EPB41L4B: variants seen among roughly 807,000 people sequenced by gnomAD.
The protein encoded by EPB41L4B is erythrocyte membrane protein band 4.1 like 4B, also known as band 4.1-like protein 4B.
EPB41L4B carries 30 observed loss-of-function variants against 112.5 expected under a neutral mutation model. The ratio of observed to expected loss-of-function variants is 0.27; its 90% CI spans 0.20 to 0.36. The LOEUF is 0.36. EPB41L4B is among the 10% of genes least tolerant of loss of function. The probability of loss-of-function intolerance (pLI) is 1.00; values close to 1 mark genes in which losing one functional copy is unlikely to be tolerated. For synonymous variants in EPB41L4B, 408 were observed against 439.7 expected (o/e 0.93, Z 0.90); for missense variants, 1,024 against 1,133.3 (o/e 0.90, Z 1.38).
chr9:109,276,930 G>A (rs1405279804), intron 2 of EPB41L4B, among the ~76,000 whole-genome samples: 1 of 152,198 alleles, frequency 6.6e-6, no homozygotes, highest in Non-Finnish European at 1.5e-5. Flanking sequence ...GACTCAGAAT[G>A]ACTGAACATT....
At chr9:109,294,996 G>C (rs1836682918) in intron 1 of EPB41L4B, among the ~76,000 whole-genome samples, 1 of 152,160 alleles carries the variant, frequency 6.6e-6, no homozygotes, top group Non-Finnish European at 1.5e-5. Context: ...CGGTGACGAG[G>C]AAAGTGTTGC....
At chr9:109,284,973 G>A (rs1836215086) in intron 1 of EPB41L4B, among the ~76,000 whole-genome samples, 1 of 152,216 alleles carries the variant, frequency 6.6e-6, no homozygotes, top group Non-Finnish European at 1.5e-5. Flanking sequence ...TGGGCCAGGA[G>A]GAAGCAAGAA....
chr9:109,259,516 G>GC (rs1835120858), intron 6 of EPB41L4B, among the ~76,000 whole-genome samples: 1 of 152,158 alleles, frequency 6.6e-6, no homozygotes, highest in South Asian at 2.1e-4. Flanking sequence ...CTGCAGCCAG[G>GC]CCTCAGCTCT....
At chr9:109,316,253 G>A (rs895945233) in intron 1 of EPB41L4B, among the ~76,000 whole-genome samples, 1 of 152,242 alleles carries the variant, frequency 6.6e-6, no homozygotes, top group African/African-American at 2.4e-5. Context: ...GGAGGCAAGT[G>A]CACCAAATGC....
At chr9:109,186,057 T>TCAA (rs1832253012) in intron 22 of EPB41L4B, among the ~76,000 whole-genome samples, 1 of 152,054 alleles carries the variant, frequency 6.6e-6, no homozygotes, top group Non-Finnish European at 1.5e-5. Context: ...GCCACACACT[T>TCAA]GAAGCATTTG....
At chr9:109,205,807 C>T (rs576734376) in intron 18 of EPB41L4B, among the ~76,000 whole-genome samples, 4 of 152,282 alleles carry the variant, frequency 2.6e-5, no homozygotes, top group African/African-American at 7.2e-5. Context: ...GTTGTTATCT[C>T]CATTTTCATA....
chr9:109,192,409 A>G (rs1160314533), intron 21 of EPB41L4B, 54 bp from the exon 22 acceptor site: 2 of 1,403,716 alleles, frequency 1.4e-6, no homozygotes, highest in Admixed American at 4.3e-5. Context: ...TTGATGATAA[A>G]GTTCACCAGA....
At chr9:109,212,769 G>A (rs1833228129) in intron 17 of EPB41L4B, among the ~76,000 whole-genome samples, 1 of 152,202 alleles carries the variant, frequency 6.6e-6, no homozygotes, top group Admixed American at 6.5e-5. Context: ...TTCTCAACTA[G>A]GGAGATTTTG....
chr9:109,186,664 A>G (rs775126026), intron 22 of EPB41L4B, among the ~76,000 whole-genome samples: 5 of 151,504 alleles, frequency 3.3e-5, no homozygotes, highest in Admixed American at 6.6e-5. Flanking sequence ...TCTTTTTTAT[A>G]GAGGCGAGGT....
intron 1 of EPB41L4B, among the ~76,000 whole-genome samples, chr9:109,284,027 G>C (rs374646524): frequency 2.0e-5 from 3 of 151,982 alleles, no homozygotes; most frequent in African/African-American, 7.2e-5. Flanking sequence ...GAAGTTCAAG[G>C]TTGCAATAAG....
chr9:109,243,733 G>T, intron 14 of EPB41L4B, 51 bp from the exon 15 acceptor site: 1 of 1,573,988 alleles, frequency 6.4e-7, no homozygotes, highest in Non-Finnish European at 8.7e-7. Flanking sequence ...TAATTTCAAT[G>T]GTCCTCATTC....
At chr9:109,295,858 CA>C (rs1339511800) in intron 1 of EPB41L4B, among the ~76,000 whole-genome samples, 1 of 149,826 alleles carries the variant, frequency 6.7e-6, no homozygotes, top group Non-Finnish European at 1.5e-5. Context: ...TTTTTTGTGG[CA>C]AATCAGGAAA....
intron 15 of EPB41L4B, among the ~76,000 whole-genome samples, chr9:109,226,672 TATATATATGAAGAATATATATATGA>T (rs1833778045): frequency 2.3e-5 from 1 of 44,344 alleles, no homozygotes; most frequent in African/African-American, 6.8e-5. Flanking sequence ...ATGAAGAATA[TATATATATGAAGAATATATATATGA>T]ATATATATAT....
intron 14 of EPB41L4B, among the ~76,000 whole-genome samples, chr9:109,245,520 T>G (rs990016014): frequency 1.3e-5 from 2 of 152,330 alleles, no homozygotes; most frequent in Middle Eastern, 3.4e-3. Flanking sequence ...TGTGCATGTT[T>G]GCTTGTCATA....
At chr9:109,317,674 T>C (rs563725442) in intron 1 of EPB41L4B, among the ~76,000 whole-genome samples, 15 of 152,316 alleles carry the variant, frequency 9.8e-5, no homozygotes, top group African/African-American at 3.4e-4. Context: ...AGGGTTTTTA[T>C]TACAAAGGAG....
rs1159025195 is a variant in EPB41L4B at position 109,320,953 on chromosome 9, G to A, written c.-507C>T. On this transcript the variant is annotated 5_prime_UTR_variant, in exon 1 of 26. Transcript: ENST00000374566. ...GGCCCCGCCGAGCGCCCGCTCCCAA[G>A]GCGCCTTTTCCTGCGCCCGCAGCCC... The A allele has an allele frequency of 6.1e-6, 1 of 163,634 alleles. No homozygotes were observed. The highest frequency in any genetic ancestry group is 2.4e-5 in the African/African-American group (1 of 41,228). The allele number at this position is 163,634 out of a possible 1,614,324, so 10.1% of individuals were successfully genotyped here.
chr9:109,281,403 G>A (rs1233241923), intron 1 of EPB41L4B, among the ~76,000 whole-genome samples: 1 of 152,126 alleles, frequency 6.6e-6, no homozygotes, highest in African/African-American at 2.4e-5. Context: ...CACTCACTAG[G>A]ATGGCTGTAA....
intron 1 of EPB41L4B, among the ~76,000 whole-genome samples, chr9:109,306,639 AAAAC>A (rs1837209898): frequency 1.4e-5 from 2 of 138,076 alleles, no homozygotes; most frequent in African/African-American, 5.4e-5. Context: ...AACAAACAAA[AAAAC>A]ATTCTGGTGA....
At chr9:109,317,029 TAGG>T (rs983630716) in intron 1 of EPB41L4B, among the ~76,000 whole-genome samples, 10 of 152,032 alleles carry the variant, frequency 6.6e-5, no homozygotes, top group East Asian at 1.9e-4. Context: ...TGCTTGCGGC[TAGG>T]AGATTAAGAC....
Sources: gnomAD v4.1 joint callset for allele counts (sites outside exome capture counted in the v4.1 genomes callset) on GRCh38, gnomAD v4.1.1 for gene constraint, MANE v1.5 for transcripts, NCBI Gene and HGNC (gene_info 2026-07-23, HGNC 2026-07-21) for gene names.